Variants in PCDH15 observed in about 807,000 individuals in gnomAD.
PCDH15 encodes protocadherin-15.
In PCDH15, 129 loss-of-function variants were observed where a neutral mutation model predicts 178.5. That is an observed-to-expected ratio of 0.72 (90% CI 0.63 to 0.84). PCDH15 has a LOEUF of 0.84. Ranked by LOEUF, PCDH15 falls within the 40% of genes least tolerant of loss-of-function variation. The pLI is 0.00. For missense variants in PCDH15, 2,230 were observed against 2,099.9 expected (o/e 1.06, Z -1.21); for synonymous variants, 800 against 732.0 (o/e 1.09, Z -1.50).
chr10:54,065,867 A>C (rs2094127387), intron 18 of PCDH15, among the ~76,000 whole-genome samples: 1 of 152,228 alleles, frequency 6.6e-6, no homozygotes, highest in Admixed American at 6.5e-5. Context: ...AGTTTAAAGG[A>C]GATTGAGCTA....
chr10:54,372,618 G>A (rs899326075), intron 4 of PCDH15, among the ~76,000 whole-genome samples: 4 of 151,774 alleles, frequency 2.6e-5, no homozygotes, highest in African/African-American at 9.7e-5. Flanking sequence ...GCTTAAGAAT[G>A]CATTAGGGAA....
chr10:55,200,392 G>C (rs922308154), intron 1 of PCDH15, among the ~76,000 whole-genome samples: 1 of 152,098 alleles, frequency 6.6e-6, no homozygotes, highest in Non-Finnish European at 1.5e-5. Context: ...TGTCTGGAAT[G>C]GAATCATTTA....
intron 1 of PCDH15, among the ~76,000 whole-genome samples, chr10:54,754,021 G>A (rs911339002): frequency 3.3e-5 from 5 of 150,990 alleles, no homozygotes; most frequent in African/African-American, 7.3e-5. Flanking sequence ...GTAGAGACAG[G>A]GTTTCACCGT....
At chr10:54,470,885 T>A (rs903300338) in intron 3 of PCDH15, among the ~76,000 whole-genome samples, 1 of 152,276 alleles carries the variant, frequency 6.6e-6, no homozygotes, top group African/African-American at 2.4e-5. Context: ...GAGTACCGGA[T>A]GCTTTCCATC....
At chr10:55,377,369 T>G (rs1258634937) in intron 2 of PCDH15, among the ~76,000 whole-genome samples, 1 of 151,920 alleles carries the variant, frequency 6.6e-6, no homozygotes, top group African/African-American at 2.4e-5. Flanking sequence ...AAAGTCTATC[T>G]TATTAAAATA....
intron 2 of PCDH15, among the ~76,000 whole-genome samples, chr10:55,019,140 G>C (rs753627731): frequency 5.9e-5 from 9 of 152,034 alleles, no homozygotes; most frequent in Non-Finnish European, 1.0e-4. Flanking sequence ...GAAGTCATGA[G>C]ATTTTAAAGT....
At chr10:55,291,863 A>T (rs1843015416) in intron 1 of PCDH15, among the ~76,000 whole-genome samples, 1 of 152,210 alleles carries the variant, frequency 6.6e-6, no homozygotes, top group African/African-American at 2.4e-5. Flanking sequence ...GGCAGCAGAC[A>T]GAGAGAGTTT....
chr10:54,884,718 ATTGT>A (rs58765548), intron 3 of PCDH15, among the ~76,000 whole-genome samples: 86,362 of 151,472 alleles, frequency 0.57, 24,758 homozygotes, highest in South Asian at 0.65. Context: ...GAATAGCCAA[ATTGT>A]TTGAAATGTC....
chr10:54,159,338 C>T (rs967377022), intron 13 of PCDH15, among the ~76,000 whole-genome samples: 6 of 151,994 alleles, frequency 3.9e-5, no homozygotes, highest in Non-Finnish European at 7.4e-5. Context: ...TAGGGCTAAA[C>T]TGGTAAATTT....
At chr10:55,576,165 A>G (rs1242985062) in intron 2 of PCDH15, among the ~76,000 whole-genome samples, 3 of 152,198 alleles carry the variant, frequency 2.0e-5, no homozygotes, top group African/African-American at 7.2e-5. Flanking sequence ...ATAATAGTTG[A>G]CTGGAAGTCG....
chr10:55,053,899 T>C (rs191430817), intron 2 of PCDH15, among the ~76,000 whole-genome samples: 8 of 152,190 alleles, frequency 5.3e-5, no homozygotes, highest in Non-Finnish European at 5.9e-5. Flanking sequence ...TTTACCTAGA[T>C]GTATTTTATT....
chr10:54,307,214 T>G (rs1245403672), intron 8 of PCDH15, among the ~76,000 whole-genome samples: 1 of 141,364 alleles, frequency 7.1e-6, no homozygotes, highest in Non-Finnish European at 1.5e-5. Context: ...ATGGTTATCC[T>G]GGGGACTGGG....
chr10:54,375,521 C>T (rs1948261691), intron 4 of PCDH15, among the ~76,000 whole-genome samples: 1 of 151,960 alleles, frequency 6.6e-6, no homozygotes, highest in Non-Finnish European at 1.5e-5. Flanking sequence ...AGCTGGAAAT[C>T]ATTTGAAGGC....
At chr10:54,918,965 A>T (rs1206547478) in intron 2 of PCDH15, among the ~76,000 whole-genome samples, 1 of 152,168 alleles carries the variant, frequency 6.6e-6, no homozygotes, top group Non-Finnish European at 1.5e-5. Flanking sequence ...GGGAGCTGCA[A>T]CTTGCCAGAG....
chr10:54,768,852 C>T (rs1948789480), intron 1 of PCDH15, among the ~76,000 whole-genome samples: 2 of 151,750 alleles, frequency 1.3e-5, no homozygotes, highest in Admixed American at 1.3e-4. Flanking sequence ...TTAGCACAGT[C>T]CTGAGCTGTC....
At chr10:54,370,051 A>G (rs1024302216) in intron 4 of PCDH15, among the ~76,000 whole-genome samples, 1 of 152,038 alleles carries the variant, frequency 6.6e-6, no homozygotes, top group Non-Finnish European at 1.5e-5. Context: ...CATAGTATAC[A>G]TAAGCATATG....
At chr10:55,614,468 G>C (rs1483966845) in intron 2 of PCDH15, among the ~76,000 whole-genome samples, 1 of 152,260 alleles carries the variant, frequency 6.6e-6, no homozygotes, top group East Asian at 1.9e-4. Context: ...TTGTTCTACT[G>C]TTTTAAGTGC....
intron 14 of PCDH15, among the ~76,000 whole-genome samples, chr10:54,135,706 C>T (rs1281286562): frequency 1.3e-5 from 2 of 152,176 alleles, no homozygotes; most frequent in African/African-American, 4.8e-5. Flanking sequence ...CTATGCATAA[C>T]AAGTCCTACA....
At chr10:54,699,674 T>C (rs2095281867) in intron 1 of PCDH15, among the ~76,000 whole-genome samples, 1 of 152,048 alleles carries the variant, frequency 6.6e-6, no homozygotes, top group African/African-American at 2.4e-5. Context: ...TTCATCATAC[T>C]ATAATTTTAC....
Sources: gnomAD v4.1 joint callset for allele counts (sites outside exome capture counted in the v4.1 genomes callset) on GRCh38, gnomAD v4.1.1 for gene constraint, MANE v1.5 for transcripts, NCBI Gene and HGNC (gene_info 2026-07-23, HGNC 2026-07-21) for gene names.